Variants in PRPSAP2 observed in about 807,000 individuals in gnomAD.
PRPSAP2 encodes the protein phosphoribosyl pyrophosphate synthetase associated protein 2.
PRPSAP2 carries 24 observed loss-of-function variants against 40.6 expected under a neutral mutation model. The observed-to-expected ratio is 0.59, with a 90% CI of 0.43 to 0.83. PRPSAP2 has a LOEUF of 0.83. PRPSAP2 is among the 40% of genes least tolerant of loss of function. The pLI, the probability that PRPSAP2 is intolerant of heterozygous loss-of-function variation, is 0.00. For missense variants in PRPSAP2, 292 were observed against 465.6 expected, an observed-to-expected ratio of 0.63 and a Z score of 3.43; for synonymous variants, 149 against 164.7, an observed-to-expected ratio of 0.90 and a Z score of 0.73.
At chr17:18,902,637 A>AG (rs1252496105) in intron 8 of PRPSAP2, among the ~76,000 whole-genome samples, 80 of 152,132 alleles carry the variant, frequency 5.3e-4, no homozygotes, top group African/African-American at 1.5e-3. Flanking sequence ...TGGGAGGCCG[A>AG]GGGGGGTGGA....
At chr17:18,896,580 C>CTT (rs58391876) in intron 8 of PRPSAP2, among the ~76,000 whole-genome samples, 7,562 of 104,742 alleles carry the variant, frequency 0.072, 552 homozygotes, top group Middle Eastern at 0.11. Flanking sequence ...CCAGATTTTC[C>CTT]TTTTTTTTTT....
intron 5 of PRPSAP2, among the ~76,000 whole-genome samples, chr17:18,877,041 T>TC (rs2038352050): frequency 6.6e-6 from 1 of 151,926 alleles, no homozygotes; most frequent in Non-Finnish European, 1.5e-5. Flanking sequence ...CATGAGCAAG[T>TC]CCTGGGACGT....
chr17:18,893,704 G>A (rs961778136), intron 8 of PRPSAP2, among the ~76,000 whole-genome samples: 4 of 152,072 alleles, frequency 2.6e-5, no homozygotes, highest in South Asian at 2.1e-4. Context: ...ACAGTGAGCC[G>A]TGATTGCACC....
chr17:18,902,512 G>A (rs2040328686), intron 8 of PRPSAP2, among the ~76,000 whole-genome samples: 1 of 152,112 alleles, frequency 6.6e-6, no homozygotes, highest in African/African-American at 2.4e-5. Flanking sequence ...AGGTAGTGGG[G>A]CAACTATTTA....
intron 9 of PRPSAP2, among the ~76,000 whole-genome samples, chr17:18,918,740 G>A (rs1337912314): frequency 8.5e-5 from 13 of 152,158 alleles, no homozygotes; most frequent in Non-Finnish European, 1.9e-4. Context: ...CAGTCGGGTG[G>A]CCACTGGCTA....
At chr17:18,892,727 G>GTGTGTGTGTGTT (rs60288281) in intron 8 of PRPSAP2, among the ~76,000 whole-genome samples, 14,664 of 126,464 alleles carry the variant, frequency 0.12, 1,487 homozygotes, top group Non-Finnish European at 0.16. Context: ...GTGTGTGTGT[G>GTGTGTGTGTGTT]TATTTATTTA....
At position 18,868,164 on chromosome 17, in the gene PRPSAP2, G is replaced by A. The variant is rs138464712; in HGVS notation, c.172+830G>A. On this transcript the variant is annotated intron_variant, in intron 4 of 11. Coordinates refer to ENST00000268835, the MANE Select transcript of PRPSAP2 (RefSeq NM_002767.4). ...GAAAGTGATCTTTGTAATTTCTTTA[G>A]CAATGGTGGATATTTGAAATTATTT... Among the ~76,000 whole-genome samples, 147 of 152,124 alleles carry A rather than the reference G, an allele frequency of 9.7e-4. 1 individual carries two copies. The highest frequency in any genetic ancestry group is 3.5e-3 in the African/African-American group (144 of 41,502).
chr17:18,903,200 G>A (rs2040385748), intron 8 of PRPSAP2, among the ~76,000 whole-genome samples: 1 of 151,788 alleles, frequency 6.6e-6, no homozygotes, highest in Non-Finnish European at 1.5e-5. Flanking sequence ...GGCCGAGATG[G>A]GTGGATCTCC....
intron 4 of PRPSAP2, among the ~76,000 whole-genome samples, chr17:18,871,092 T>G (rs549843570): frequency 1.3e-5 from 2 of 152,270 alleles, no homozygotes; most frequent in Admixed American, 6.5e-5. Context: ...CGATCTTGGC[T>G]TACTGCAACC....
At chr17:18,929,819 T>C (rs1254121885) in intron 11 of PRPSAP2, 1 of 152,192 alleles carries the variant, frequency 6.6e-6, no homozygotes, top group Non-Finnish European at 1.5e-5. Context: ...AGTAAACATT[T>C]GTGTACAAGT....
intron 9 of PRPSAP2, among the ~76,000 whole-genome samples, chr17:18,915,147 C>G (rs1335482783): frequency 2.0e-5 from 3 of 151,820 alleles, no homozygotes; most frequent in African/African-American, 7.3e-5. Flanking sequence ...ACCTCAGCCT[C>G]CCAAATAGCT....
At chr17:18,897,453 G>GTGTTGTTGTTGTTGTTGTTGTTGT (rs11271940) in intron 8 of PRPSAP2, among the ~76,000 whole-genome samples, 28 of 150,598 alleles carry the variant, frequency 1.9e-4, no homozygotes, top group African/African-American at 6.1e-4. Flanking sequence ...CTCTATAGTG[G>GTGTTGTTGTTGTTGTTGTTGTTGT]TGTTGTTGTT....
intron 8 of PRPSAP2, chr17:18,904,242 G>A (rs1466209388): frequency 6.6e-6 from 1 of 152,060 alleles, no homozygotes; most frequent in African/African-American, 2.4e-5. Context: ...GTAGAATGGT[G>A]GTGGTTAGTG....
At chr17:18,900,694 C>T (rs962306442) in intron 8 of PRPSAP2, among the ~76,000 whole-genome samples, 13 of 151,956 alleles carry the variant, frequency 8.6e-5, no homozygotes, top group Non-Finnish European at 1.5e-4. Context: ...GGGTAGAAGT[C>T]GAGATTCACC....
At chr17:18,920,743 AAT>A (rs1362349481) in intron 9 of PRPSAP2, among the ~76,000 whole-genome samples, 15 of 152,322 alleles carry the variant, frequency 9.8e-5, no homozygotes, top group Admixed American at 2.0e-4. Flanking sequence ...ACTTTTTCAG[AAT>A]ATAAGCACTA....
At chr17:18,884,009 C>T (rs1328344085) in intron 7 of PRPSAP2, among the ~76,000 whole-genome samples, 1 of 152,072 alleles carries the variant, frequency 6.6e-6, no homozygotes, top group Non-Finnish European at 1.5e-5. Context: ...TGGCTCACGC[C>T]TATAATCCCA....
intron 7 of PRPSAP2, among the ~76,000 whole-genome samples, chr17:18,882,921 T>G (rs527309971): frequency 6.6e-6 from 1 of 152,332 alleles, no homozygotes; most frequent in South Asian, 2.1e-4. Context: ...TTGGACTAGA[T>G]ATGATTGTAA....
At chr17:18,899,526 T>TTG (rs1459600378) in intron 8 of PRPSAP2, among the ~76,000 whole-genome samples, 2 of 136,410 alleles carry the variant, frequency 1.5e-5, no homozygotes, top group Non-Finnish European at 3.2e-5. Flanking sequence ...TGAGTTTTTT[T>TTG]TTTTTTTTTT....
intron 9 of PRPSAP2, among the ~76,000 whole-genome samples, chr17:18,922,873 C>T (rs1007299408): frequency 6.6e-6 from 1 of 150,830 alleles, no homozygotes; most frequent in African/African-American, 2.4e-5. Context: ...CAGGGTTTCG[C>T]CATGTTGCTC....
Sources: gnomAD v4.1 joint callset for allele counts (sites outside exome capture counted in the v4.1 genomes callset) on GRCh38, gnomAD v4.1.1 for gene constraint, MANE v1.5 for transcripts, NCBI Gene and HGNC (gene_info 2026-07-23, HGNC 2026-07-21) for gene names.